Variants in ODAD2 observed in about 807,000 individuals in gnomAD.
ODAD2 encodes outer dynein arm docking complex subunit 2.
In ODAD2, 89 loss-of-function variants were observed where a neutral mutation model predicts 106.8. The ratio of observed to expected loss-of-function variants is 0.83; its 90% confidence interval spans 0.70 to 0.99. The LOEUF (loss-of-function observed/expected upper bound fraction) is 0.99. Among genes scored for constraint, ODAD2 ranks in the 50% least tolerant of loss-of-function variants. The pLI, the probability that ODAD2 is intolerant of heterozygous loss-of-function variation, is 0.00. For missense variants in ODAD2, 1,168 were observed against 1,238.5 expected (o/e 0.94, Z 0.85); for synonymous variants, 404 against 436.2 (o/e 0.93, Z 0.92).
intron 19 of ODAD2, among the ~76,000 whole-genome samples, chr10:27,849,191 G>T (rs1839048157): frequency 1.3e-5 from 2 of 152,148 alleles, no homozygotes; most frequent in African/African-American, 4.8e-5. Flanking sequence ...AGAAAATGTG[G>T]CACATATACA....
rs1027205794 is a variant in ODAD2 at position 27,975,683 on chromosome 10, AC to A, written c.937-4371del. ...AATATTCCAGGCCCAGATGGCTTTC[AC>A]CAAACATTTCTACCAAACATTTAAT... On this transcript the variant is annotated intron_variant, in intron 7 of 19. Coordinates refer to ENST00000305242, the MANE Select transcript of ODAD2 (RefSeq NM_018076.5). Among the ~76,000 whole-genome samples the A allele has an allele frequency of 2.5e-3, 378 of 152,290 alleles. 2 individuals carry two copies. Among genetic ancestry groups the A allele is most frequent in the African/African-American group, 8.8e-3 (364 of 41,572 alleles).
chr10:27,855,406 C>T (rs1159310946), intron 19 of ODAD2, among the ~76,000 whole-genome samples: 1 of 151,938 alleles, frequency 6.6e-6, no homozygotes, highest in African/African-American at 2.4e-5. Flanking sequence ...TCATCGATAC[C>T]AATTGGTTCT....
chr10:27,814,429 T>A (rs1480052874), intron 19 of ODAD2, among the ~76,000 whole-genome samples: 1 of 152,182 alleles, frequency 6.6e-6, no homozygotes, highest in East Asian at 1.9e-4. Context: ...TATGAGAATA[T>A]CTTGTTCAAA....
At chr10:27,818,252 T>C (rs1589741267) in intron 19 of ODAD2, among the ~76,000 whole-genome samples, 1 of 152,098 alleles carries the variant, frequency 6.6e-6, no homozygotes, top group South Asian at 2.1e-4. Flanking sequence ...TGGTAAATTA[T>C]ATAATCAAGG....
intron 17 of ODAD2, among the ~76,000 whole-genome samples, chr10:27,893,152 CCTT>C (rs1350690425): frequency 2.0e-5 from 3 of 150,768 alleles, no homozygotes; most frequent in Non-Finnish European, 4.4e-5. Context: ...GAGCCAGACT[CCTT>C]CTCAAAAAAA....
intron 17 of ODAD2, among the ~76,000 whole-genome samples, chr10:27,870,513 C>G (rs1330906921): frequency 1.3e-5 from 2 of 151,942 alleles, no homozygotes. Context: ...CATCCCCCAA[C>G]CCCATGACAG....
chr10:27,933,818 T>C (rs1414163119), intron 16 of ODAD2, among the ~76,000 whole-genome samples: 1 of 152,198 alleles, frequency 6.6e-6, no homozygotes, highest in African/African-American at 2.4e-5. Flanking sequence ...GTATGCAACT[T>C]GTATTCCTTA....
At chr10:27,830,028 T>A (rs182149219) in intron 19 of ODAD2, among the ~76,000 whole-genome samples, 2 of 152,262 alleles carry the variant, frequency 1.3e-5, no homozygotes, top group East Asian at 3.9e-4. Context: ...AACATACATA[T>A]GTAGGATAAA....
intron 9 of ODAD2, among the ~76,000 whole-genome samples, chr10:27,962,051 G>A (rs1162348235): frequency 1.3e-5 from 2 of 152,136 alleles, no homozygotes; most frequent in Non-Finnish European, 2.9e-5. Flanking sequence ...TCCAGCCTGG[G>A]AGACAGAACA....
At chr10:27,839,014 A>C (rs1375524026) in intron 19 of ODAD2, among the ~76,000 whole-genome samples, 3 of 152,164 alleles carry the variant, frequency 2.0e-5, no homozygotes, top group Non-Finnish European at 4.4e-5. Context: ...ACCTATTTAA[A>C]TTTGGAGGAA....
chr10:27,997,029 G>C (rs1850596461), intron 1 of ODAD2, among the ~76,000 whole-genome samples: 1 of 152,130 alleles, frequency 6.6e-6, no homozygotes, highest in African/African-American at 2.4e-5. Flanking sequence ...GGATAGCAAA[G>C]CAGCCTTACA....
intron 17 of ODAD2, among the ~76,000 whole-genome samples, chr10:27,863,531 G>A (rs1840226163): frequency 6.6e-6 from 1 of 152,172 alleles, no homozygotes; most frequent in Non-Finnish European, 1.5e-5. Flanking sequence ...AATTCCCAAG[G>A]AGAATTTGTG....
chr10:27,831,653 C>T (rs1284901432), intron 19 of ODAD2, among the ~76,000 whole-genome samples: 1 of 152,230 alleles, frequency 6.6e-6, no homozygotes, highest in Admixed American at 6.5e-5. Flanking sequence ...ATACAGATGG[C>T]CTCCCTTGGC....
At chr10:27,888,792 A>C (rs988832964) in intron 17 of ODAD2, among the ~76,000 whole-genome samples, 1 of 152,202 alleles carries the variant, frequency 6.6e-6, no homozygotes, top group South Asian at 2.1e-4. Context: ...AAGGGTGTCA[A>C]AACTATTCAA....
intron 10 of ODAD2, among the ~76,000 whole-genome samples, chr10:27,952,789 G>A (rs1256817193): frequency 6.6e-6 from 1 of 152,136 alleles, no homozygotes; most frequent in Admixed American, 6.6e-5. Flanking sequence ...TGAAGGTCCA[G>A]GGTTGAAAAC....
intron 17 of ODAD2, among the ~76,000 whole-genome samples, chr10:27,901,036 AG>A: frequency 6.6e-6 from 1 of 152,210 alleles, no homozygotes; most frequent in Non-Finnish European, 1.5e-5. Context: ...ATTGAAATGG[AG>A]GAAAAAATCT....
chr10:27,860,974 C>A (rs564857505), intron 18 of ODAD2, 128 bp from the exon 19 acceptor site: 1 of 740,272 alleles, frequency 1.4e-6, no homozygotes, highest in Non-Finnish European at 2.2e-6. Context: ...AGCTGGCTGA[C>A]TACCTAGGTG....
At chr10:27,989,658 C>T (rs1850099369) in intron 2 of ODAD2, among the ~76,000 whole-genome samples, 3 of 152,124 alleles carry the variant, frequency 2.0e-5, no homozygotes, top group Non-Finnish European at 2.9e-5. Flanking sequence ...CAGTTGAAGC[C>T]TGTAACTTAA....
chr10:27,861,712 A>G (rs1019871206), intron 18 of ODAD2, among the ~76,000 whole-genome samples: 2 of 152,198 alleles, frequency 1.3e-5, no homozygotes. Context: ...CCTTCTTTGT[A>G]TACGTAATTG....
Sources: allele counts gnomAD v4.1 joint callset (sites outside exome capture counted in the v4.1 genomes callset), GRCh38; gene constraint gnomAD v4.1.1; transcripts MANE v1.5; gene names NCBI Gene and HGNC (gene_info 2026-07-23, HGNC 2026-07-21).